The following PAX7 variants were observed in gnomAD, a reference collection of about 807,000 sequenced individuals.
PAX7 encodes the protein paired box 7.
PAX7 carries 18 observed loss-of-function variants against 50.7 expected under a neutral mutation model. The ratio of observed to expected loss-of-function variants is 0.36; its 90% CI spans 0.25 to 0.53. PAX7 has a LOEUF of 0.53. Among genes scored for constraint, PAX7 ranks in the 20% least tolerant of loss-of-function variants. The pLI is 0.93. For synonymous variants in PAX7, 310 were observed against 290.4 expected (o/e 1.07, Z -0.69); for missense variants, 644 against 702.9 (o/e 0.92, Z 0.95).
At chr1:18,661,266 G>A (rs1176780490) in intron 4 of PAX7, among the ~76,000 whole-genome samples, 1 of 152,166 alleles carries the variant, frequency 6.6e-6, no homozygotes, top group Non-Finnish European at 1.5e-5. Context: ...GGGGGCATAG[G>A]GGCTGTGGGA....
Position 18,726,238 on chromosome 1 carries a change from C to T in PAX7, c.1156-9394C>T, listed in dbSNP as rs1248882856. Among the ~76,000 whole-genome samples, 1 of 152,082 alleles carries T rather than the reference C, an allele frequency of 6.6e-6. No individual in the cohort carries two copies. The highest frequency in any genetic ancestry group is 1.5e-5 in the Non-Finnish European group (1 of 68,020). On this transcript the variant is annotated intron_variant, in intron 7 of 8. Transcript: ENST00000420770. The surrounding 1 kb of genome is among the most constrained non-coding windows in gnomAD (Gnocchi z 4.8). ...TCTGTTCCTCCCTCCACCCCCACCT[C>T]ACCTCTAGACAGTCCTTAACTAAAA...
intron 7 of PAX7, among the ~76,000 whole-genome samples, chr1:18,717,143 A>G (rs2089436144): frequency 6.6e-6 from 1 of 152,018 alleles, no homozygotes; most frequent in South Asian, 2.1e-4. Flanking sequence ...ATTCCCAACA[A>G]CTGTCTCCCC....
chr1:18,734,177 C>T (rs958694198), intron 7 of PAX7, among the ~76,000 whole-genome samples: 5 of 152,148 alleles, frequency 3.3e-5, no homozygotes, highest in African/African-American at 1.2e-4. Context: ...CTCGAATGCC[C>T]GCAGCCTGCT....
At chr1:18,734,628 G>A (rs1261088039) in intron 7 of PAX7, among the ~76,000 whole-genome samples, 2 of 152,120 alleles carry the variant, frequency 1.3e-5, no homozygotes, top group African/African-American at 4.8e-5. Context: ...AGACTGCCAA[G>A]GATGACTGGG....
chr1:18,665,874 G>A (rs908665130), intron 4 of PAX7, among the ~76,000 whole-genome samples: 10 of 151,458 alleles, frequency 6.6e-5, no homozygotes, highest in African/African-American at 1.2e-4. Context: ...GTTTCGCCAC[G>A]TTGTCCAGGC....
At chr1:18,695,056 G>C (rs528260633) in intron 5 of PAX7, among the ~76,000 whole-genome samples, 1 of 152,170 alleles carries the variant, frequency 6.6e-6, no homozygotes, top group East Asian at 1.9e-4. Flanking sequence ...CAGATGGGTG[G>C]GTTAGTGGAT....
chr1:18,654,423 G>A (rs1021212970), intron 4 of PAX7, among the ~76,000 whole-genome samples: 1 of 152,200 alleles, frequency 6.6e-6, no homozygotes, highest in Non-Finnish European at 1.5e-5. Context: ...GCTGCATGCT[G>A]AACCCAGCTC....
intron 7 of PAX7, among the ~76,000 whole-genome samples, chr1:18,716,531 G>T (rs2089423523): frequency 6.6e-6 from 1 of 150,506 alleles, no homozygotes; most frequent in South Asian, 2.1e-4. Context: ...CACACTCTCT[G>T]CTTCCTATTT....
chr1:18,730,232 CAGA>C (rs1479013331), intron 7 of PAX7, among the ~76,000 whole-genome samples: 1 of 152,174 alleles, frequency 6.6e-6, no homozygotes, highest in Non-Finnish European at 1.5e-5. Context: ...AACCGAGGCA[CAGA>C]AGGTTAAAGA....
At chr1:18,694,010 T>G (rs180722972) in intron 5 of PAX7, among the ~76,000 whole-genome samples, 21 of 152,288 alleles carry the variant, frequency 1.4e-4, no homozygotes, top group African/African-American at 4.8e-4. Context: ...CTTATTGACT[T>G]CCTATCATAC....
intron 7 of PAX7, among the ~76,000 whole-genome samples, chr1:18,717,292 G>A (rs770822669): frequency 6.6e-6 from 1 of 152,186 alleles, no homozygotes; most frequent in Non-Finnish European, 1.5e-5. Context: ...GCGGGGCCTC[G>A]GCCGTCTCGG....
At chr1:18,635,289 GT>G (rs2088132191) in intron 3 of PAX7, 49 bp downstream of exon 3, 1 of 1,605,708 alleles carries the variant, frequency 6.2e-7, no homozygotes, top group Non-Finnish European at 8.5e-7. Context: ...GTGGCCAGGG[GT>G]CCAGTGTGGA....
At chr1:18,661,018 C>A (rs1362694812) in intron 4 of PAX7, among the ~76,000 whole-genome samples, 1 of 152,092 alleles carries the variant, frequency 6.6e-6, no homozygotes, top group Non-Finnish European at 1.5e-5. Context: ...GTAAAAAGCA[C>A]ACACGCATGC....
In PAX7 at chr1:18,703,206, C is replaced by G; in HGVS notation, c.1065C>G (p.Arg355=). The G allele has an allele frequency of 6.2e-7, 1 of 1,614,118 alleles. No homozygotes were observed. Among genetic ancestry groups the G allele is most frequent in the African/African-American group, 1.3e-5 (1 of 75,076 alleles). Residue 355 remains arginine (R), a synonymous_variant, in exon 7 of 9, where the codon CGC becomes CGG. Coordinates refer to ENST00000420770, the MANE Select transcript of PAX7 (RefSeq NM_001135254.2). ...ACACCAGCTCTGCCTACGGAGCCCGCCACAGCTTCTCCAGCTACTCTGACA... is the reference window on the plus strand; with the variant it reads ...ACACCAGCTCTGCCTACGGAGCCCGGCACAGCTTCTCCAGCTACTCTGACA... The part of the protein sequence containing the change: ...AADTSSAYGA[R]HSFSSYSDSF...
chr1:18,635,880 T>A (rs2088147059), intron 3 of PAX7, among the ~76,000 whole-genome samples: 1 of 151,328 alleles, frequency 6.6e-6, no homozygotes, highest in African/African-American at 2.4e-5. Flanking sequence ...CACACCTGAG[T>A]GTGGGAGTGG....
At chr1:18,684,193 T>A (rs950719738) in intron 4 of PAX7, among the ~76,000 whole-genome samples, 36 of 151,984 alleles carry the variant, frequency 2.4e-4, no homozygotes, top group Admixed American at 2.3e-3. Flanking sequence ...CAGGAAGAGA[T>A]GGGGTGGGCG....
At chr1:18,679,487 G>T (rs957165959) in intron 4 of PAX7, among the ~76,000 whole-genome samples, 4 of 152,180 alleles carry the variant, frequency 2.6e-5, no homozygotes, top group Non-Finnish European at 5.9e-5. Context: ...GGCCACTGGA[G>T]CCCCAGCTGC....
chr1:18,747,479 A>G lies in PAX7; in HGVS notation c.*2550A>G. 1 of 218,862 alleles carries G rather than the reference A, an allele frequency of 4.6e-6. No individual in the cohort carries two copies. Among genetic ancestry groups the G allele is most frequent in the Non-Finnish European group, 9.2e-6 (1 of 108,850 alleles). 13.6% of individuals were successfully genotyped at this position (218,862 alleles called of 1,614,324 possible). A position where few individuals can be genotyped will look rare whatever the true frequency, so the allele number is the denominator to read the frequency against. On this transcript the variant is annotated 3_prime_UTR_variant, in exon 9 of 9. Coordinates refer to ENST00000420770, the MANE Select transcript of PAX7 (RefSeq NM_001135254.2). ...ACCCGTATATTAACGCATCTGGCCA[A>G]CTTGGGTTATAAAATTCAGCCTTGT...
chr1:18,700,561 G>A lies in PAX7; in HGVS notation c.787-92G>A. 1 of 1,205,554 alleles carries A rather than the reference G, an allele frequency of 8.3e-7. No individual in the cohort carries two copies. Among genetic ancestry groups the A allele is most frequent in the Non-Finnish European group, 1.1e-6 (1 of 885,888 alleles). The allele number at this position is 1,205,554 out of a possible 1,614,324, so 74.7% of individuals were successfully genotyped here. A position where few individuals can be genotyped will look rare whatever the true frequency, so the allele number is the denominator to read the frequency against. On this transcript the variant is annotated intron_variant, in intron 5 of 8. Coordinates refer to ENST00000420770, the MANE Select transcript of PAX7 (RefSeq NM_001135254.2). The surrounding 1 kb of genome is among the most constrained non-coding windows in gnomAD (Gnocchi z 4.8). ...AGGAGGATGCTGGCTGGATCAGAGG[G>A]TGATGGCTTGGGCAACTGGGTCTAC...
Sources: allele counts gnomAD v4.1 joint callset (sites outside exome capture counted in the v4.1 genomes callset), GRCh38; gene constraint gnomAD v4.1.1; non-coding constraint Gnocchi (gnomAD v3.1); transcripts MANE v1.5; gene names NCBI Gene and HGNC (gene_info 2026-07-23, HGNC 2026-07-21).